The following RABGAP1L variants were observed in gnomAD, a reference collection of about 807,000 sequenced individuals.
RABGAP1L encodes the protein RAB GTPase activating protein 1 like, also known as rab GTPase-activating protein 1-like.
In RABGAP1L, 63 loss-of-function variants were observed where a neutral mutation model predicts 137.7. The ratio of observed to expected loss-of-function variants is 0.46; its 90% CI spans 0.37 to 0.56. The LOEUF is 0.56. Ranked by LOEUF, RABGAP1L falls within the 20% of genes least tolerant of loss-of-function variation. The pLI, the probability that RABGAP1L is intolerant of heterozygous loss-of-function variation, is 0.00. For synonymous variants in RABGAP1L, 431 were observed against 433.7 expected, an observed-to-expected ratio of 0.99 and a Z score of 0.08; for missense variants, 1,095 against 1,244.0, an observed-to-expected ratio of 0.88 and a Z score of 1.80.
At chr1:174,307,542 T>C (rs1041213200) in intron 11 of RABGAP1L, among the ~76,000 whole-genome samples, 3 of 152,202 alleles carry the variant, frequency 2.0e-5, no homozygotes, top group Non-Finnish European at 4.4e-5. Flanking sequence ...TTCATATAAA[T>C]GGAATCATAC....
At chr1:174,547,782 G>T in intron 13 of RABGAP1L, 3 of 1,402,542 alleles carry the variant, frequency 2.1e-6, no homozygotes, top group Non-Finnish European at 2.9e-6. Flanking sequence ...AGATGCATCA[G>T]TTTATTACCT....
chr1:174,372,091 T>A (rs1229851542), intron 12 of RABGAP1L, among the ~76,000 whole-genome samples: 1 of 152,194 alleles, frequency 6.6e-6, no homozygotes, highest in Non-Finnish European at 1.5e-5. Context: ...AATTTCATTT[T>A]ATGTATCCTT....
chr1:174,539,872 T>A (rs866462120), intron 13 of RABGAP1L, among the ~76,000 whole-genome samples: 3 of 152,220 alleles, frequency 2.0e-5, no homozygotes, highest in Admixed American at 6.5e-5. Flanking sequence ...CGCCACACTG[T>A]CTTCCACAAG....
At chr1:174,487,790 T>C (rs1281347246) in intron 13 of RABGAP1L, among the ~76,000 whole-genome samples, 1 of 152,148 alleles carries the variant, frequency 6.6e-6, no homozygotes. Context: ...GTATCTGTTG[T>C]ATGTTTTCTG....
intron 12 of RABGAP1L, among the ~76,000 whole-genome samples, chr1:174,389,545 GA>G (rs2149072005): frequency 6.6e-6 from 1 of 152,084 alleles, no homozygotes; most frequent in Non-Finnish European, 1.5e-5. Context: ...GTAGTTTCAA[GA>G]AAATCCTCTT....
In RABGAP1L at chr1:174,632,323, A is replaced by G. The variant is rs992246211; in HGVS notation, c.1711-5052A>G. Among the ~76,000 whole-genome samples the G allele has an allele frequency of 1.3e-5, 2 of 149,556 alleles. 1 individual carries two copies. The highest frequency in any genetic ancestry group is 3.0e-5 in the Non-Finnish European group (2 of 67,742). On this transcript the variant is annotated intron_variant, in intron 13 of 25. Transcript: ENST00000681986. ...CCGACCTTTCTCTCTGGCTGCCTTAACATTTTTTCCTTCATTTCAACTTTG... is the reference window on the plus strand; with the variant it reads ...CCGACCTTTCTCTCTGGCTGCCTTAGCATTTTTTCCTTCATTTCAACTTTG...
rs1473933267 is a variant in RABGAP1L, at chr1:174,683,552, T to A, written c.1855T>A (p.Tyr619Asn). Reference sequence around the variant, plus strand: ...CTCTGTGTATGATGAAGACATTGGGTACTGTCAAGGGCAGTCTTTTCTTGC... The same window carrying A: ...CTCTGTGTATGATGAAGACATTGGGAACTGTCAAGGGCAGTCTTTTCTTGC... ...AYSVYDEDIGYCQGQSFLAAV... is the reference protein window; with the variant it reads ...AYSVYDEDIGNCQGQSFLAAV... The change falls in exon 15 of 26, where the codon TAC becomes AAC. Residue 619 changes from tyrosine to asparagine, a missense_variant. Tyr to Asn is a moderately radical substitution (Grantham distance 143, BLOSUM62 -2). This residue lies in a region of RABGAP1L where 315 missense variants were observed against 324.8 expected (regional missense o/e 0.97). Coordinates refer to ENST00000681986, the MANE Select transcript of RABGAP1L (RefSeq NM_001366446.1). 6.2e-7 allele frequency: 1 copy of A among 1,608,202 alleles called. No individual in the cohort carries two copies. Among genetic ancestry groups the A allele is most frequent in the Non-Finnish European group, 8.5e-7 (1 of 1,174,816 alleles).
chr1:174,946,677 G>A (rs1275830235), intron 19 of RABGAP1L, among the ~76,000 whole-genome samples: 1 of 151,776 alleles, frequency 6.6e-6, no homozygotes, highest in African/African-American at 2.4e-5. Context: ...GAGGCAGGTG[G>A]ATCACCTGAG....
chr1:174,588,163 G>A lies in RABGAP1L; in HGVS notation c.1711-49212G>A, dbSNP rs182297466. 7.0e-4 allele frequency among the ~76,000 whole-genome samples: 106 copies of A among 151,068 alleles called. 1 individual carries two copies. Among genetic ancestry groups the A allele is most frequent in the Middle Eastern group, 3.4e-3 (1 of 290 alleles). On this transcript the variant is annotated intron_variant, in intron 13 of 25. Transcript: ENST00000681986. ...TTACAGGCATGAGCCACCATGCCTG[G>A]CCTATTTATTTATTTATTTAGAGAC...
intron 13 of RABGAP1L, among the ~76,000 whole-genome samples, chr1:174,622,480 T>A (rs1672592224): frequency 6.6e-6 from 1 of 152,110 alleles, no homozygotes. Context: ...ATAGACTGGA[T>A]TAAGAAAATG....
At chr1:174,705,129 G>A (rs1679954676) in intron 17 of RABGAP1L, 1 of 151,694 alleles carries the variant, frequency 6.6e-6, no homozygotes. Context: ...AGTGTTCATT[G>A]TAGAAAAGGG....
chr1:174,177,487 A>C (rs1665983240), intron 1 of RABGAP1L, among the ~76,000 whole-genome samples: 2 of 152,174 alleles, frequency 1.3e-5, no homozygotes, highest in African/African-American at 4.8e-5. Context: ...TAGCTTAATT[A>C]GATCCCATTT....
chr1:174,547,792 T>C (rs1390608053), intron 13 of RABGAP1L: 23 of 1,437,438 alleles, frequency 1.6e-5, no homozygotes, highest in Non-Finnish European at 2.2e-5. Flanking sequence ...GTTTATTACC[T>C]ATTACATAGT....
chr1:174,523,356 G>T (rs1193763941), intron 13 of RABGAP1L, among the ~76,000 whole-genome samples: 1 of 150,866 alleles, frequency 6.6e-6, no homozygotes, highest in Admixed American at 6.6e-5. Flanking sequence ...TTTTTTTAGA[G>T]ACCAAAACAA....
chr1:174,831,183 G>A (rs1395959670), intron 19 of RABGAP1L, among the ~76,000 whole-genome samples: 1 of 148,146 alleles, frequency 6.8e-6, no homozygotes, highest in Non-Finnish European at 1.5e-5. Flanking sequence ...TAAATCAATG[G>A]AGGAAGAGAA....
chr1:174,858,976 C>A (rs1649764408), intron 19 of RABGAP1L, among the ~76,000 whole-genome samples: 1 of 152,114 alleles, frequency 6.6e-6, no homozygotes, highest in African/African-American at 2.4e-5. Context: ...TAAATTAGTT[C>A]AACCATTGTG....
chr1:174,892,826 T>G (rs573916236), intron 19 of RABGAP1L: 65 of 283,368 alleles, frequency 2.3e-4, no homozygotes, highest in Non-Finnish European at 2.7e-4. Context: ...GCCTCCCAGG[T>G]TCAAGCGATT....
intron 13 of RABGAP1L, among the ~76,000 whole-genome samples, chr1:174,575,776 G>A (rs888040531): frequency 7.9e-5 from 12 of 152,122 alleles, no homozygotes; most frequent in African/African-American, 2.2e-4. Flanking sequence ...CAGGCAGATC[G>A]GCAGGTCGAT....
chr1:174,878,824 G>C (rs1405739116), intron 19 of RABGAP1L, among the ~76,000 whole-genome samples: 2 of 150,100 alleles, frequency 1.3e-5, no homozygotes, highest in African/African-American at 4.9e-5. Flanking sequence ...TTTGAACAAA[G>C]TATAAAAAGA....
Sources: allele counts gnomAD v4.1 joint callset (sites outside exome capture counted in the v4.1 genomes callset), GRCh38; gene constraint gnomAD v4.1.1; regional missense constraint gnomAD v4.1.1; transcripts MANE v1.5; gene names NCBI Gene and HGNC (gene_info 2026-07-23, HGNC 2026-07-21).